The following PTPN11 variants were observed in gnomAD, a reference collection of about 807,000 sequenced individuals.
PTPN11 encodes tyrosine-protein phosphatase non-receptor type 11.
PTPN11 carries 6 observed loss-of-function variants against 78.8 expected under a neutral mutation model. The observed-to-expected ratio is 0.08, with a 90% CI of 0.04 to 0.15. The LOEUF (loss-of-function observed/expected upper bound fraction) is 0.15. PTPN11 is among the 10% of genes least tolerant of loss of function. PTPN11 has a pLI of 1.00. For synonymous variants in PTPN11, 221 were observed against 263.5 expected, an observed-to-expected ratio of 0.84 and a Z score of 1.56; for missense variants, 386 against 744.8, an observed-to-expected ratio of 0.52 and a Z score of 5.61.
intron 13 of PTPN11, among the ~76,000 whole-genome samples, chr12:112,494,885 A>G (rs2038794962): frequency 6.6e-6 from 1 of 152,244 alleles, no homozygotes. Flanking sequence ...TCAACACTTT[A>G]TTTTAAAATA....
At chr12:112,429,810 AAAAC>A (rs1239191279) in intron 1 of PTPN11, among the ~76,000 whole-genome samples, 1 of 151,174 alleles carries the variant, frequency 6.6e-6, no homozygotes, top group Non-Finnish European at 1.5e-5. Flanking sequence ...CTCAAAAAAA[AAAAC>A]AACAACAAAA....
At chr12:112,493,507 G>A (rs1029648886) in intron 13 of PTPN11, among the ~76,000 whole-genome samples, 14 of 150,262 alleles carry the variant, frequency 9.3e-5, no homozygotes, top group African/African-American at 3.2e-4. Context: ...TCCCACCTCA[G>A]CCTCCCAAGT....
intron 6 of PTPN11, among the ~76,000 whole-genome samples, chr12:112,469,085 G>C (rs769069483): frequency 6.6e-6 from 1 of 152,006 alleles, no homozygotes; most frequent in Non-Finnish European, 1.5e-5. Context: ...AAAAGATTAA[G>C]GGAAGCCTCT....
intron 4 of PTPN11, among the ~76,000 whole-genome samples, chr12:112,453,646 GTTTTTTT>G (rs376601242): frequency 8.6e-6 from 1 of 116,580 alleles, no homozygotes; most frequent in Non-Finnish European, 1.9e-5. Flanking sequence ...CAGATTTTCT[GTTTTTTT>G]TTTTTTTTTG....
intron 1 of PTPN11, among the ~76,000 whole-genome samples, chr12:112,427,854 G>C (rs901758292): frequency 7.2e-5 from 11 of 152,038 alleles, no homozygotes; most frequent in African/African-American, 2.7e-4. Context: ...GGGCTCAAGT[G>C]ATCCTCTTGC....
intron 14 of PTPN11, among the ~76,000 whole-genome samples, chr12:112,503,224 C>T (rs1159060451): frequency 6.6e-6 from 1 of 152,352 alleles, no homozygotes; most frequent in East Asian, 1.9e-4. Flanking sequence ...CTCTCAAGCC[C>T]TTCCCAGAAA....
intron 6 of PTPN11, among the ~76,000 whole-genome samples, chr12:112,458,869 C>T (rs1180898768): frequency 6.6e-6 from 1 of 151,958 alleles, no homozygotes; most frequent in Non-Finnish European, 1.5e-5. Flanking sequence ...CCCGTCTCTA[C>T]AAAAAATACA....
chr12:112,476,223 C>T (rs746093340), intron 7 of PTPN11, among the ~76,000 whole-genome samples: 1 of 152,146 alleles, frequency 6.6e-6, no homozygotes. Flanking sequence ...AATAGAATAT[C>T]GCTTTTTCCT....
chr12:112,470,630 C>T (rs1420282194), intron 6 of PTPN11, among the ~76,000 whole-genome samples: 1 of 152,204 alleles, frequency 6.6e-6, no homozygotes, highest in African/African-American at 2.4e-5. Flanking sequence ...TTGCTTTGGC[C>T]ACGTGTGCCC....
intron 15 of PTPN11, among the ~76,000 whole-genome samples, 152 bp from the exon 16 acceptor site, chr12:112,505,673 A>AAAAAAAAAC (rs1566193962): frequency 2.6e-5 from 4 of 151,366 alleles, no homozygotes; most frequent in African/African-American, 9.7e-5. Context: ...AAAAAAAAAA[A>AAAAAAAAAC]AAAAAAAACT....
intron 1 of PTPN11, among the ~76,000 whole-genome samples, chr12:112,426,781 G>C (rs1367223659): frequency 6.6e-6 from 1 of 151,930 alleles, no homozygotes; most frequent in Non-Finnish European, 1.5e-5. Context: ...ACCTACCTGG[G>C]CTGTGTGATC....
At chr12:112,475,305 A>G (rs2074340904) in intron 7 of PTPN11, among the ~76,000 whole-genome samples, 1 of 152,168 alleles carries the variant, frequency 6.6e-6, no homozygotes, top group Admixed American at 6.5e-5. Context: ...GGAGAAAGGA[A>G]GGAACATTTA....
intron 1 of PTPN11, among the ~76,000 whole-genome samples, chr12:112,420,369 G>A (rs1022537054): frequency 6.0e-5 from 9 of 150,454 alleles, no homozygotes; most frequent in African/African-American, 1.2e-4. Flanking sequence ...TTTTGGAGAC[G>A]GAGGCTCACT....
chr12:112,471,387 T>C (rs1194412400), intron 6 of PTPN11, among the ~76,000 whole-genome samples: 1 of 151,770 alleles, frequency 6.6e-6, no homozygotes, highest in East Asian at 1.9e-4. Flanking sequence ...CTTTTTTTTT[T>C]TTTGAGACAG....
intron 5 of PTPN11, 52 bp from the exon 6 acceptor site, chr12:112,455,898 C>T: frequency 1.0e-6 from 1 of 974,230 alleles, no homozygotes. Flanking sequence ...TGCATTAACA[C>T]CGTTTTCTGT....
At chr12:112,471,962 A>C (rs2038425401) in intron 6 of PTPN11, among the ~76,000 whole-genome samples, 1 of 151,928 alleles carries the variant, frequency 6.6e-6, no homozygotes, top group Admixed American at 6.6e-5. Flanking sequence ...CATGTTGGCC[A>C]GGCTGGTTTG....
rs1209768333 is a variant in PTPN11 at position 112,504,473 on chromosome 12, G to A, written c.1713-222G>A. On this transcript the variant is annotated intron_variant, in intron 14 of 15. Transcript: ENST00000351677. The surrounding 1 kb of genome is among the most constrained non-coding windows in gnomAD (Gnocchi z 4.7). ...CTCCCAAAGTTCTGGGATTACAGGC[G>A]TGAGCCACCATGCCCAGCGTTATTT... is the stretch of plus-strand genomic sequence containing the variant. 3.9e-5 allele frequency among the ~76,000 whole-genome samples: 6 copies of A among 152,184 alleles called. No homozygotes were observed. The highest frequency in any genetic ancestry group is 7.3e-5 in the Non-Finnish European group (5 of 68,034).
chr12:112,495,968 A>G (rs192065125), intron 13 of PTPN11, among the ~76,000 whole-genome samples: 25 of 152,320 alleles, frequency 1.6e-4, no homozygotes, highest in Middle Eastern at 3.4e-3. Context: ...ATTCCTTGGA[A>G]GAAAGTCATT....
intron 1 of PTPN11, among the ~76,000 whole-genome samples, chr12:112,445,379 G>T (rs760354447): frequency 1.3e-5 from 2 of 152,092 alleles, no homozygotes; most frequent in Non-Finnish European, 2.9e-5. Flanking sequence ...TGATCTGCCC[G>T]CCTCGGCCTC....
Sources: gnomAD v4.1 joint callset for allele counts (sites outside exome capture counted in the v4.1 genomes callset) on GRCh38, gnomAD v4.1.1 for gene constraint, Gnocchi (gnomAD v3.1) non-coding constraint, MANE v1.5 for transcripts, NCBI Gene and HGNC (gene_info 2026-07-23, HGNC 2026-07-21) for gene names.